Variants in TP63 observed in about 807,000 individuals in gnomAD.
TP63 encodes tumor protein p63.
Under a neutral mutation model 82.8 loss-of-function variants are expected in TP63, and 17 were observed. The ratio of observed to expected loss-of-function variants is 0.21; its 90% CI spans 0.14 to 0.31. TP63 has a LOEUF of 0.31. TP63 is among the 10% of genes least tolerant of loss of function. TP63 has a pLI of 1.00. For missense variants in TP63, 648 were observed against 895.3 expected (o/e 0.72, Z 3.52); for synonymous variants, 330 against 321.7 (o/e 1.03, Z -0.28).
chr3:189,640,367 G>T (rs1472226830), intron 1 of TP63, among the ~76,000 whole-genome samples: 1 of 151,908 alleles, frequency 6.6e-6, no homozygotes. Context: ...ATAAATCTTT[G>T]TACCTTCATA....
At chr3:189,741,483 A>G (rs116363857) in intron 3 of TP63, among the ~76,000 whole-genome samples, 4,234 of 152,308 alleles carry the variant, frequency 0.028, 77 homozygotes, top group Admixed American at 0.052. Flanking sequence ...ACTTGGTAGC[A>G]TATTTTCTTT....
chr3:189,599,456 T>A, the TP63 span, among the ~76,000 whole-genome samples: 1 of 152,212 alleles, frequency 6.6e-6, no homozygotes, highest in Admixed American at 6.5e-5. Context: ...TTGCCAGCCA[T>A]CATCCTCATT....
At chr3:189,603,387 C>T in the TP63 span, among the ~76,000 whole-genome samples, 1 of 151,894 alleles carries the variant, frequency 6.6e-6, no homozygotes, top group Non-Finnish European at 1.5e-5. Context: ...TCTTCTTCTC[C>T]TTATCCTTCT....
Position 189,811,389 on chromosome 3 carries a change from A to T in TP63, c.579+2863A>T, listed in dbSNP as rs926079999. 2.0e-5 allele frequency among the ~76,000 whole-genome samples: 3 copies of T among 152,150 alleles called. 1 individual carries two copies. The East Asian group carries it at 5.8e-4, about 29-fold the overall frequency. ...TCACTTTTCTGCATTCTACCTATAA[A>T]TTTTACAATCAGGTTTCTACTCACA... On this transcript the variant is annotated intron_variant, in intron 4 of 13. Coordinates refer to ENST00000264731, the MANE Select transcript of TP63 (RefSeq NM_003722.5).
At chr3:189,863,442 C>G (rs926288774) in intron 4 of TP63, among the ~76,000 whole-genome samples, 1 of 152,126 alleles carries the variant, frequency 6.6e-6, no homozygotes, top group Non-Finnish European at 1.5e-5. Context: ...TTCTCCAGCC[C>G]GTTTTGCCAA....
chr3:189,875,621 T>TACAC (rs1207174894), intron 10 of TP63, among the ~76,000 whole-genome samples: 2 of 101,402 alleles, frequency 2.0e-5, no homozygotes, highest in Admixed American at 1.9e-4. Context: ...TATATATATA[T>TACAC]ATATATATAT....
At chr3:189,868,021 C>T in intron 7 of TP63, 79 bp downstream of exon 7, 1 of 1,204,930 alleles carries the variant, frequency 8.3e-7, no homozygotes, top group South Asian at 1.3e-5. Context: ...GCTGCTTTAT[C>T]ATTAATTTTG....
At chr3:189,617,227 G>A in the TP63 span, among the ~76,000 whole-genome samples, 2 of 152,188 alleles carry the variant, frequency 1.3e-5, no homozygotes, top group Admixed American at 6.5e-5. Context: ...TCTTATTGAT[G>A]TAACGCATAC....
intron 1 of TP63, among the ~76,000 whole-genome samples, chr3:189,647,338 A>G (rs1712503472): frequency 1.4e-5 from 2 of 147,178 alleles, no homozygotes; most frequent in Admixed American, 6.7e-5. Flanking sequence ...GGGCACTAAA[A>G]ATGTCCAAAA....
chr3:189,638,996 C>T (rs114139282), intron 1 of TP63, among the ~76,000 whole-genome samples: 2,060 of 152,270 alleles, frequency 0.014, 52 homozygotes, highest in African/African-American at 0.047. Flanking sequence ...AAAGACTTCA[C>T]ATTCTCACTT....
intron 1 of TP63, among the ~76,000 whole-genome samples, chr3:189,699,218 C>A (rs1717620759): frequency 6.6e-6 from 1 of 152,150 alleles, no homozygotes; most frequent in Admixed American, 6.6e-5. Flanking sequence ...GCTCTTAATA[C>A]CCTTATTTTA....
At chr3:189,711,695 G>A (rs942765228) in intron 1 of TP63, among the ~76,000 whole-genome samples, 1 of 152,136 alleles carries the variant, frequency 6.6e-6, no homozygotes, top group Admixed American at 6.6e-5. Flanking sequence ...GCCTTGTGTT[G>A]TAGCAGTACC....
chr3:189,868,538 CTTTGAA>C, intron 7 of TP63, 36 bp from the exon 8 acceptor site: 1 of 1,611,622 alleles, frequency 6.2e-7, no homozygotes, highest in Non-Finnish European at 8.5e-7. Flanking sequence ...TTTCAAAATG[CTTTGAA>C]TTTAACTCTT....
chr3:189,744,677 G>A (rs1296797471), intron 3 of TP63, among the ~76,000 whole-genome samples: 7 of 152,224 alleles, frequency 4.6e-5, no homozygotes, highest in Admixed American at 6.5e-5. Context: ...TTGGGTCCCA[G>A]AGGGTTGTCT....
Position 189,719,335 on chromosome 3 carries a change from C to T in TP63, c.63-18405C>T, listed in dbSNP as rs555737586. ...CCTTAGTTATAAGCTTCCTAATCTG[C>T]GCTTGCAGAGTCCATGATGCTCAGT... On this transcript the variant is annotated intron_variant, in intron 1 of 13. Coordinates refer to ENST00000264731, the MANE Select transcript of TP63 (RefSeq NM_003722.5). Among the ~76,000 whole-genome samples the T allele has an allele frequency of 6.4e-4, 97 of 152,240 alleles. No homozygotes were observed. In the South Asian group the frequency reaches 0.017, roughly 26 times the overall value.
intron 4 of TP63, among the ~76,000 whole-genome samples, chr3:189,841,105 C>G (rs1025207768): frequency 6.6e-6 from 1 of 152,070 alleles, no homozygotes; most frequent in African/African-American, 2.4e-5. Context: ...GATTTGAACA[C>G]GGCAAGGACA....
intron 10 of TP63, among the ~76,000 whole-genome samples, chr3:189,879,870 C>T (rs1719710562): frequency 6.6e-6 from 1 of 152,060 alleles, no homozygotes; most frequent in South Asian, 2.1e-4. Flanking sequence ...CCATTTCTTC[C>T]TCATAAAAAT....
the TP63 span, among the ~76,000 whole-genome samples, chr3:189,625,621 T>C: frequency 6.6e-6 from 1 of 152,204 alleles, no homozygotes; most frequent in Admixed American, 6.5e-5. Context: ...GTAAGGTATT[T>C]CCTCATTTTA....
intron 10 of TP63, among the ~76,000 whole-genome samples, chr3:189,877,471 C>T (rs763318613): frequency 1.3e-5 from 2 of 152,204 alleles, no homozygotes; most frequent in Non-Finnish European, 2.9e-5. Flanking sequence ...GCGAGGCTGA[C>T]ATCACTTTGT....
Sources: allele counts gnomAD v4.1 joint callset (sites outside exome capture counted in the v4.1 genomes callset), GRCh38; gene constraint gnomAD v4.1.1; transcripts MANE v1.5; gene names NCBI Gene and HGNC (gene_info 2026-07-23, HGNC 2026-07-21).